Variants in AZI2 observed in about 807,000 individuals in gnomAD.
AZI2 encodes 5-azacytidine induced 2.
AZI2 carries 22 observed loss-of-function variants against 45.8 expected under a neutral mutation model. The ratio of observed to expected loss-of-function variants is 0.48; its 90% CI spans 0.34 to 0.69. AZI2 has a LOEUF of 0.69. Among genes scored for constraint, AZI2 ranks in the 30% least tolerant of loss-of-function variants. AZI2 has a pLI of 0.01. For synonymous variants in AZI2, 137 were observed against 156.7 expected (o/e 0.87, Z 0.94); for missense variants, 417 against 441.5 (o/e 0.94, Z 0.50).
intron 2 of AZI2, 42 bp from the exon 3 acceptor site, chr3:28,338,657 C>A: frequency 6.5e-7 from 1 of 1,548,154 alleles, no homozygotes. Flanking sequence ...AGAGAGTATT[C>A]TATAGATAAA....
intron 7 of AZI2, chr3:28,324,793 G>A (rs1469323940): frequency 5.5e-6 from 1 of 182,714 alleles, no homozygotes; most frequent in African/African-American, 2.3e-5. Flanking sequence ...AACTAATACA[G>A]TTAAAATACA....
chr3:28,326,662 T>G, intron 7 of AZI2, 170 bp downstream of exon 7: 1 of 678,308 alleles, frequency 1.5e-6, no homozygotes, highest in Non-Finnish European at 2.7e-6. Context: ...TGTGTGAAGT[T>G]GACCAGTATG....
chr3:28,338,589 T>G lies in AZI2; in HGVS notation c.243A>C (p.Thr81=). ...EKLIARFEEE[T]SSVGREQVNK... ...TTACTTGTTCTCGTCCCACGGAACT[T>G]GTTTCTTCTTCAAATCGAGCTATTA... Residue 81 remains threonine, a synonymous_variant, in exon 3 of 8, where the codon ACA becomes ACC. Transcript: ENST00000479665. The G allele has an allele frequency of 6.2e-7, 1 of 1,610,584 alleles. No homozygotes were observed. Among genetic ancestry groups the G allele is most frequent in the South Asian group, 1.1e-5 (1 of 90,380 alleles).
chr3:28,329,289 T>G (rs1703493530), intron 6 of AZI2, among the ~76,000 whole-genome samples: 1 of 151,216 alleles, frequency 6.6e-6, no homozygotes, highest in Admixed American at 6.6e-5. Flanking sequence ...TACTCCAGTC[T>G]GCCATGTTGC....
At chr3:28,328,956 A>G (rs1306332691) in intron 6 of AZI2, among the ~76,000 whole-genome samples, 1 of 151,234 alleles carries the variant, frequency 6.6e-6, no homozygotes, top group Admixed American at 6.6e-5. Context: ...TTATCTAGGT[A>G]TTTCAAAGAC....
rs1309726290 is a variant in AZI2, at chr3:28,342,728, CA to C, written c.-5-2107del. Among the ~76,000 whole-genome samples the C allele has an allele frequency of 1.1e-4, 16 of 151,652 alleles. No homozygotes were observed. In the East Asian group the frequency reaches 2.3e-3, roughly 22 times the overall value. Reference sequence around the variant, plus strand: ...TTACACATGCACACACACACACACACACACACACACACACACACACTCCCCT... The same window carrying C: ...TTACACATGCACACACACACACACACCACACACACACACACACACTCCCCT... On this transcript the variant is annotated intron_variant, in intron 1 of 7. Coordinates refer to ENST00000479665, the MANE Select transcript of AZI2 (RefSeq NM_022461.5).
At position 28,332,432 on chromosome 3, in the gene AZI2, C is replaced by T. The variant is rs1703618464; in HGVS notation, c.589-5G>A. On this transcript the variant is annotated splice_polypyrimidine_tract_variant and splice_region_variant and intron_variant, in intron 5 of 7. Coordinates refer to ENST00000479665, the MANE Select transcript of AZI2 (RefSeq NM_022461.5). ...ATTGTCTTCCTGATATGGATCCTGT[C>T]ATTTGTTTAAAAAAAAGAAGTTTAA... 1.2e-6 allele frequency: 2 copies of T among 1,605,320 alleles called. No individual in the cohort carries two copies. Among genetic ancestry groups the T allele is most frequent in the Non-Finnish European group, 1.7e-6 (2 of 1,174,286 alleles).
chr3:28,336,897 A>G lies in AZI2; in HGVS notation c.440-12T>C, dbSNP rs777421847. On this transcript the variant is annotated splice_polypyrimidine_tract_variant and intron_variant, in intron 4 of 7. Transcript: ENST00000479665. ...TAAATTCCTCATCACTACAAAAAGG[A>G]TGGACACTGAAATTGTTATCTTTTC... 4 of 1,610,496 alleles carry G rather than the reference A, an allele frequency of 2.5e-6. No homozygotes were observed. The Admixed American group carries it at 6.7e-5, about 27-fold the overall frequency.
rs757646681 is a variant in AZI2 at position 28,324,442 on chromosome 3, A to G, written c.779T>C (p.Val260Ala). ...STAIKKACAP[V>A]GCSEDLGRDS... ...TCTTCCAAGGTCTTCACTGCATCCT[A>G]CAGGGGCACAGGCTAAAAAGAAAAC... The change falls in exon 8 of 8, where the codon GTA (valine) becomes GCA (alanine). Residue 260 changes from valine to alanine, a missense_variant. Coordinates refer to ENST00000479665, the MANE Select transcript of AZI2 (RefSeq NM_022461.5). 5 of 1,480,036 alleles carry G rather than the reference A, an allele frequency of 3.4e-6. No individual in the cohort carries two copies. Among genetic ancestry groups the G allele is most frequent in the East Asian group, 2.3e-5 (1 of 43,688 alleles). The allele number at this position is 1,480,036 out of a possible 1,614,324, so 91.7% of individuals were successfully genotyped here. A position where few individuals can be genotyped will look rare whatever the true frequency, so the allele number is the denominator to read the frequency against.
intron 6 of AZI2, among the ~76,000 whole-genome samples, chr3:28,327,830 A>C (rs1185972540): frequency 6.6e-6 from 1 of 150,758 alleles, no homozygotes; most frequent in Non-Finnish European, 1.5e-5. Context: ...CAAAATATTA[A>C]ATGTAAGACT....
intron 1 of AZI2, among the ~76,000 whole-genome samples, chr3:28,346,602 C>T (rs1319649035): frequency 3.9e-5 from 6 of 152,162 alleles, no homozygotes; most frequent in East Asian, 3.9e-4. Flanking sequence ...CTCTTTATTC[C>T]ATATTGCCTC....
intron 1 of AZI2, 54 bp from the exon 2 acceptor site, chr3:28,340,676 A>C (rs1315722549): frequency 3.0e-6 from 4 of 1,353,340 alleles, no homozygotes; most frequent in South Asian, 1.3e-5. Context: ...ATAAGTGAAA[A>C]GGAAAAAAAG....
rs538574263 is a variant in AZI2 at position 28,340,336 on chromosome 3, A to G, written c.216+66T>C. 2.7e-6 allele frequency: 3 copies of G among 1,130,726 alleles called. No homozygotes were observed. The African/African-American group carries it at 4.7e-5, about 18-fold the overall frequency. The allele number at this position is 1,130,726 out of a possible 1,614,324, so 70.0% of individuals were successfully genotyped here. On this transcript the variant is annotated intron_variant, in intron 2 of 7. Transcript: ENST00000479665. ...TGGAAGACAGGACAAAAAGTATTCAAAATTTCAAGTATTTTGAATTATTCC... is the reference window on the plus strand; with the variant it reads ...TGGAAGACAGGACAAAAAGTATTCAGAATTTCAAGTATTTTGAATTATTCC...
At chr3:28,343,989 T>C (rs1381221792) in intron 1 of AZI2, among the ~76,000 whole-genome samples, 2 of 149,376 alleles carry the variant, frequency 1.3e-5, no homozygotes, top group Non-Finnish European at 3.0e-5. Context: ...ATATATTATG[T>C]AAGAAAACAA....
intron 1 of AZI2, among the ~76,000 whole-genome samples, chr3:28,342,899 T>C (rs996750374): frequency 3.3e-5 from 5 of 152,130 alleles, no homozygotes; most frequent in Non-Finnish European, 5.9e-5. Context: ...ATTTATTCGA[T>C]GTGGATTTTT....
chr3:28,328,800 C>T (rs978627596), intron 6 of AZI2, among the ~76,000 whole-genome samples: 4 of 151,278 alleles, frequency 2.6e-5, no homozygotes, highest in Non-Finnish European at 5.9e-5. Context: ...TTACAGTTAA[C>T]ATTAAAAGTG....
rs901569343 is a variant in AZI2 at position 28,336,951 on chromosome 3, TA to T, written c.440-67del. On this transcript the variant is annotated intron_variant, in intron 4 of 7. Transcript: ENST00000479665. ...CTACATTGACTGCAATTCTTAAAAA[TA>T]GGTTATTCTGGTAAAATGTAGATAA... 3.3e-6 allele frequency: 5 copies of T among 1,502,126 alleles called. No individual in the cohort carries two copies. The African/African-American group carries it at 7.0e-5, about 21-fold the overall frequency. The allele number at this position is 1,502,126 out of a possible 1,614,324, so 93.0% of individuals were successfully genotyped here.
rs776580155 is a variant in AZI2, at chr3:28,324,228, T to C, written c.993A>G (p.Thr331=). The change falls in exon 8 of 8, where the codon ACA becomes ACG. Residue 331 remains threonine, a synonymous_variant. Transcript: ENST00000479665. ...DNERSIPNDG[T]CFQEHSSYGR... ...CATAAGAACTGTGTTCCTGAAAGCATGTACCATCATTAGGAATGGATCTCT... is the reference window on the plus strand; with the variant it reads ...CATAAGAACTGTGTTCCTGAAAGCACGTACCATCATTAGGAATGGATCTCT... 50 of 1,610,370 alleles carry C rather than the reference T, an allele frequency of 3.1e-5. No homozygotes were observed. In the South Asian group the frequency reaches 5.1e-4, roughly 16 times the overall value.
intron 7 of AZI2, 181 bp downstream of exon 7, chr3:28,326,651 A>G: frequency 1.5e-6 from 1 of 652,614 alleles, no homozygotes; most frequent in Non-Finnish European, 2.8e-6. Context: ...CAACACCTTT[A>G]TGTGTGAAGT....
Sources: allele counts gnomAD v4.1 joint callset (sites outside exome capture counted in the v4.1 genomes callset), GRCh38; gene constraint gnomAD v4.1.1; transcripts MANE v1.5; gene names NCBI Gene and HGNC (gene_info 2026-07-23, HGNC 2026-07-21).